The following RFC3 variants were observed in gnomAD, a reference collection of about 807,000 sequenced individuals.
RFC3 encodes the protein A1 38 kDa subunit.
A neutral mutation model predicts 45.1 loss-of-function variants in RFC3; 41 were observed. The observed-to-expected ratio is 0.91, with a 90% CI of 0.71 to 1.18. RFC3 has a LOEUF of 1.18. RFC3 is among the 50% of genes most tolerant of loss of function. The pLI, the probability that RFC3 is intolerant of heterozygous loss-of-function variation, is 0.00. For missense variants in RFC3, 423 were observed against 428.1 expected (o/e 0.99, Z 0.10); for synonymous variants, 149 against 144.0 (o/e 1.03, Z -0.25).
chr13:33,922,228 A>G (rs1054175175), intron 8 of RFC3, among the ~76,000 whole-genome samples: 3 of 150,714 alleles, frequency 2.0e-5, no homozygotes, highest in Non-Finnish European at 4.4e-5. Context: ...CATAATTTAC[A>G]TACCATCACA....
chr13:33,846,464 G>A (rs1043418551), intron 8 of RFC3: 4 of 152,238 alleles, frequency 2.6e-5, no homozygotes, highest in African/African-American at 9.7e-5. Context: ...TACTGTGGCT[G>A]AGCAGGTCTC....
rs556325497 is a variant in RFC3, at chr13:33,851,803, C to T, written c.879+16586C>T. Among the ~76,000 whole-genome samples the T allele has an allele frequency of 6.6e-5, 10 of 152,238 alleles. No homozygotes were observed. The South Asian group carries it at 8.3e-4, about 13-fold the overall frequency. On this transcript the variant is annotated intron_variant, in intron 8 of 8. Coordinates refer to the RFC3 transcript ENST00000434425. ...CAATTCACACATTCTGCAGTTGGCT[C>T]GTTAGGAAACTATTTGTCTGGGAAT...
intron 8 of RFC3, among the ~76,000 whole-genome samples, chr13:33,945,732 G>C (rs966845402): frequency 3.3e-5 from 5 of 152,206 alleles, no homozygotes. Context: ...GTTTCAACTA[G>C]TTCACGCTCA....
intron 8 of RFC3, among the ~76,000 whole-genome samples, chr13:33,918,972 A>G (rs1461165542): frequency 6.6e-6 from 1 of 152,148 alleles, no homozygotes; most frequent in Non-Finnish European, 1.5e-5. Context: ...CCTGCCAAAA[A>G]TGAAGGTTTA....
intron 4 of RFC3, among the ~76,000 whole-genome samples, chr13:33,827,598 T>TA (rs1173996697): frequency 6.6e-6 from 1 of 152,204 alleles, no homozygotes; most frequent in African/African-American, 2.4e-5. Flanking sequence ...GTAGGGTCAT[T>TA]AAAAATGTGA....
downstream of RFC3, among the ~76,000 whole-genome samples, chr13:33,841,488 A>C (rs1322135011): frequency 8.5e-5 from 13 of 152,228 alleles, no homozygotes; most frequent in Admixed American, 3.3e-4. Context: ...GTATCAGTAC[A>C]GTACTGTAGG....
intron 8 of RFC3, among the ~76,000 whole-genome samples, chr13:33,952,579 T>A (rs2082997491): frequency 6.6e-6 from 1 of 152,218 alleles, no homozygotes; most frequent in South Asian, 2.1e-4. Flanking sequence ...CATACAGAGT[T>A]GGTGCTAAGT....
At chr13:33,909,281 A>G (rs2082690151) in intron 8 of RFC3, among the ~76,000 whole-genome samples, 2 of 152,046 alleles carry the variant, frequency 1.3e-5, no homozygotes, top group Admixed American at 6.6e-5. Context: ...TTATCTTCAT[A>G]AAGATGACTC....
intron 8 of RFC3, among the ~76,000 whole-genome samples, chr13:33,879,095 A>G (rs891778624): frequency 7.2e-5 from 11 of 152,188 alleles, no homozygotes; most frequent in African/African-American, 2.7e-4. Context: ...CATTAGACCT[A>G]GTTTACTACT....
chr13:33,976,983 G>GTGT, the RFC3 span, among the ~76,000 whole-genome samples: 2 of 152,248 alleles, frequency 1.3e-5, no homozygotes, highest in East Asian at 3.9e-4. Context: ...GATGTGATTA[G>GTGT]AATGGCACTT....
At chr13:33,822,614 C>T (rs1313656276) in intron 2 of RFC3, among the ~76,000 whole-genome samples, 1 of 152,110 alleles carries the variant, frequency 6.6e-6, no homozygotes, top group African/African-American at 2.4e-5. Flanking sequence ...TATTTCAAAT[C>T]AGTGGAAGAG....
intron 8 of RFC3, among the ~76,000 whole-genome samples, chr13:33,843,362 C>G (rs539317431): frequency 7.2e-5 from 11 of 152,328 alleles, no homozygotes; most frequent in African/African-American, 2.4e-4. Flanking sequence ...CAGCTCCTAT[C>G]TAAATTGCAG....
chr13:33,932,080 A>C (rs1288132768), intron 8 of RFC3, among the ~76,000 whole-genome samples: 7 of 152,252 alleles, frequency 4.6e-5, no homozygotes, highest in Non-Finnish European at 1.0e-4. Context: ...AGCACTGCAG[A>C]GATATCAGTA....
At chr13:33,908,819 G>A (rs184758118) in intron 8 of RFC3, among the ~76,000 whole-genome samples, 5 of 152,108 alleles carry the variant, frequency 3.3e-5, no homozygotes, top group African/African-American at 1.2e-4. Flanking sequence ...AAAGCCAAAG[G>A]TCCAAGACCC....
intron 8 of RFC3, among the ~76,000 whole-genome samples, chr13:33,896,891 A>G (rs2082603304): frequency 6.6e-6 from 1 of 152,040 alleles, no homozygotes; most frequent in Admixed American, 6.6e-5. Flanking sequence ...TATCTAGCAA[A>G]GCTATCCTTC....
intron 8 of RFC3, chr13:33,848,943 G>C (rs1036671924): frequency 6.6e-6 from 1 of 152,156 alleles, no homozygotes; most frequent in African/African-American, 2.4e-5. Context: ...CCTGCTGTTT[G>C]CCATGGCTTT....
intron 8 of RFC3, among the ~76,000 whole-genome samples, chr13:33,845,038 A>C (rs1270781026): frequency 6.6e-6 from 1 of 152,158 alleles, no homozygotes; most frequent in Non-Finnish European, 1.5e-5. Flanking sequence ...TTTGAAGGAT[A>C]TTTTCACAGG....
intron 8 of RFC3, among the ~76,000 whole-genome samples, chr13:33,889,794 G>T (rs1363638479): frequency 6.6e-6 from 1 of 152,118 alleles, no homozygotes; most frequent in Non-Finnish European, 1.5e-5. Flanking sequence ...TGCCACATAT[G>T]AATGAAACCA....
intron 8 of RFC3, among the ~76,000 whole-genome samples, chr13:33,873,591 T>C (rs1043290403): frequency 4.6e-5 from 7 of 152,176 alleles, no homozygotes; most frequent in Admixed American, 1.3e-4. Flanking sequence ...GTTTAACTTT[T>C]GGTTTTGCAA....
Sources: allele counts gnomAD v4.1 joint callset (sites outside exome capture counted in the v4.1 genomes callset), GRCh38; gene constraint gnomAD v4.1.1; transcripts MANE v1.5; gene names NCBI Gene and HGNC (gene_info 2026-07-23, HGNC 2026-07-21).